The following DCX variants were observed in gnomAD, a reference collection of about 807,000 sequenced individuals.
The protein encoded by DCX is neuronal migration protein doublecortin.
In DCX, 4 loss-of-function variants were observed where a neutral mutation model predicts 20.9. The observed-to-expected ratio is 0.19, with a 90% CI of 0.09 to 0.44. The LOEUF (loss-of-function observed/expected upper bound fraction) is 0.44. Among genes scored for constraint, DCX ranks in the 20% least tolerant of loss-of-function variants. DCX has a pLI of 0.99. For synonymous variants in DCX, 103 were observed against 111.4 expected, an observed-to-expected ratio of 0.92 and a Z score of 0.47; for missense variants, 133 against 296.9, an observed-to-expected ratio of 0.45 and a Z score of 4.06.
chrX:111,306,416 C>T (rs2095045450), intron 6 of DCX, among the ~76,000 whole-genome samples: 1 of 110,576 alleles, frequency 9.0e-6, no homozygotes. Flanking sequence ...TAACAGAGTA[C>T]CAAAATACAT....
intron 3 of DCX, 92 bp downstream of exon 3, chrX:111,400,898 A>C: frequency 9.8e-6 from 8 of 819,232 alleles, no homozygotes; most frequent in Non-Finnish European, 1.3e-5. Flanking sequence ...ATGTGGAGGA[A>C]GAGTCCGTCA....
At chrX:111,363,065 G>C (rs1193540757) in intron 3 of DCX, among the ~76,000 whole-genome samples, 5 of 111,526 alleles carry the variant, frequency 4.5e-5, no homozygotes, top group African/African-American at 6.5e-5. Flanking sequence ...GGTAATTGGT[G>C]CATATGACAA....
chrX:111,393,970 C>T (rs1249477037), intron 3 of DCX, among the ~76,000 whole-genome samples: 1 of 111,355 alleles, frequency 9.0e-6, no homozygotes, highest in Non-Finnish European at 1.9e-5. Flanking sequence ...CACTATACAG[C>T]CCAGCAATGC....
chrX:111,342,073 G>A (rs1208005268), intron 3 of DCX, among the ~76,000 whole-genome samples: 1 of 106,614 alleles, frequency 9.4e-6, no homozygotes, highest in Non-Finnish European at 1.9e-5. Flanking sequence ...TAAAACAACA[G>A]ACTGGAAAAT....
intron 6 of DCX, 123 bp from the exon 7 acceptor site, chrX:111,301,866 G>A: frequency 1.5e-6 from 1 of 680,849 alleles, no homozygotes; most frequent in Non-Finnish European, 2.3e-6. Flanking sequence ...TAGATTCACA[G>A]GAAGTTGAAA....
intron 5 of DCX, among the ~76,000 whole-genome samples, chrX:111,316,683 T>A (rs1008118581): frequency 8.9e-6 from 1 of 111,769 alleles, no homozygotes; most frequent in Non-Finnish European, 1.9e-5. Context: ...CCCATAGTTA[T>A]CTGCCCAAAA....
chrX:111,316,096 A>AT (rs1284538699), intron 5 of DCX, among the ~76,000 whole-genome samples: 7 of 101,405 alleles, frequency 6.9e-5, no homozygotes, highest in Non-Finnish European at 1.2e-4. Flanking sequence ...TAAAAAAAAA[A>AT]AAAAAAAAAA....
At chrX:111,399,920 G>C (rs1220153504) in intron 3 of DCX, among the ~76,000 whole-genome samples, 2 of 111,644 alleles carry the variant, frequency 1.8e-5, no homozygotes, top group Non-Finnish European at 3.8e-5. Context: ...ACAGTACCTG[G>C]GTGAGTTTTC....
intron 3 of DCX, among the ~76,000 whole-genome samples, chrX:111,339,299 G>T (rs1294547998): frequency 1.8e-5 from 2 of 111,744 alleles, no homozygotes; most frequent in African/African-American, 6.5e-5. Context: ...TTATTGAAAG[G>T]TGGGGTTTTT....
chrX:111,353,061 C>T (rs1300282446), intron 3 of DCX, among the ~76,000 whole-genome samples: 1 of 112,035 alleles, frequency 8.9e-6, no homozygotes, highest in Non-Finnish European at 1.9e-5. Context: ...TTGGCCATTT[C>T]TCAAGTGTCA....
rs2147558119 is a variant in DCX at position 111,295,520 on chromosome X, G to A, written c.*6167C>T. The A allele has an allele frequency of 8.9e-6, 1 of 112,230 alleles. No individual in the cohort carries two copies. The highest frequency in any genetic ancestry group is 1.9e-5 in the Non-Finnish European group (1 of 53,166). 9.2% of individuals were successfully genotyped at this position (112,230 alleles called of 1,213,427 possible). A position where few individuals can be genotyped will look rare whatever the true frequency, so the allele number is the denominator to read the frequency against. On this transcript the variant is annotated 3_prime_UTR_variant, in exon 7 of 7. Coordinates refer to ENST00000636035, the MANE Select transcript of DCX (RefSeq NM_001195553.2). The stretch of plus-strand genomic sequence containing the variant: ...ACAAGATTATTATAGAGAGTTTAAT[G>A]TGTAATGGTAAAACTTTAAGCAATT...
At chrX:111,310,562 TAA>T (rs1462015945) in intron 6 of DCX, among the ~76,000 whole-genome samples, 1 of 111,516 alleles carries the variant, frequency 9.0e-6, no homozygotes. Context: ...GATATAAAAA[TAA>T]AGAGCTTTAA....
chrX:111,406,005 G>T (rs1162609103), intron 2 of DCX, among the ~76,000 whole-genome samples: 2 of 112,441 alleles, frequency 1.8e-5, no homozygotes, highest in Non-Finnish European at 3.8e-5. Flanking sequence ...GGCTAAAAAT[G>T]TAATAATGTG....
intron 3 of DCX, among the ~76,000 whole-genome samples, chrX:111,333,739 C>T (rs1921469828): frequency 8.9e-6 from 1 of 112,009 alleles, no homozygotes. Flanking sequence ...AAGAGGAAAA[C>T]TTCATCATGA....
intron 3 of DCX, among the ~76,000 whole-genome samples, chrX:111,347,248 T>C (rs1922905226): frequency 8.9e-6 from 1 of 112,252 alleles, no homozygotes; most frequent in Non-Finnish European, 1.9e-5. Context: ...CTGCATCTTA[T>C]GGAAGAGTAA....
intron 3 of DCX, among the ~76,000 whole-genome samples, chrX:111,374,293 T>A (rs1052997492): frequency 2.8e-4 from 32 of 112,341 alleles, no homozygotes; most frequent in African/African-American, 1.0e-3. Context: ...GATCCCATTA[T>A]TTGCCTATTT....
At chrX:111,312,983 C>T (rs1272404036) in intron 5 of DCX, among the ~76,000 whole-genome samples, 2 of 111,887 alleles carry the variant, frequency 1.8e-5, no homozygotes, top group Non-Finnish European at 1.9e-5. Flanking sequence ...CTCAGTGCTT[C>T]CCAATCACAG....
intron 3 of DCX, among the ~76,000 whole-genome samples, chrX:111,397,077 T>C (rs1927376725): frequency 9.0e-6 from 1 of 111,701 alleles, no homozygotes. Context: ...AAATGAGCCA[T>C]GTCTGCAGAT....
chrX:111,399,163 T>G (rs1927572722), intron 3 of DCX, among the ~76,000 whole-genome samples: 1 of 111,182 alleles, frequency 9.0e-6, no homozygotes, highest in Non-Finnish European at 1.9e-5. Context: ...AGCTAACATT[T>G]ATTAATATAT....
Sources: gnomAD v4.1 joint callset for allele counts (sites outside exome capture counted in the v4.1 genomes callset) on GRCh38, gnomAD v4.1.1 for gene constraint, MANE v1.5 for transcripts, NCBI Gene and HGNC (gene_info 2026-07-23, HGNC 2026-07-21) for gene names.